ADAMTS20: variants seen among roughly 807,000 people sequenced by gnomAD.
The protein encoded by ADAMTS20 is ADAM metallopeptidase with thrombospondin type 1 motif 20, also known as A disintegrin and metalloproteinase with thrombospondin motifs 20.
A neutral mutation model predicts 260.1 loss-of-function variants in ADAMTS20; 225 were observed. The ratio of observed to expected loss-of-function variants is 0.87; its 90% CI spans 0.78 to 0.97. The LOEUF is 0.97. Among genes scored for constraint, ADAMTS20 ranks in the 50% least tolerant of loss-of-function variants. ADAMTS20 has a pLI of 0.00. For missense variants in ADAMTS20, 2,400 were observed against 2,337.7 expected (o/e 1.03, Z -0.55); for synonymous variants, 802 against 769.5 (o/e 1.04, Z -0.70).
At chr12:43,363,486 G>C (rs1009161671) in intron 37 of ADAMTS20, among the ~76,000 whole-genome samples, 2 of 152,056 alleles carry the variant, frequency 1.3e-5, no homozygotes, top group African/African-American at 4.8e-5. Flanking sequence ...AGAAGACCAG[G>C]GATTACTGCC....
At chr12:43,371,686 C>T (rs1399152329) in intron 36 of ADAMTS20, among the ~76,000 whole-genome samples, 2 of 152,128 alleles carry the variant, frequency 1.3e-5, no homozygotes, top group East Asian at 3.9e-4. Flanking sequence ...AAGATGGGGG[C>T]ATGCCTGGTG....
intron 4 of ADAMTS20, among the ~76,000 whole-genome samples, chr12:43,496,624 G>C (rs937509410): frequency 2.0e-5 from 3 of 152,132 alleles, no homozygotes; most frequent in African/African-American, 7.2e-5. Context: ...TGGAAAATGA[G>C]TTGATTTTTT....
At chr12:43,492,862 A>G (rs551827640) in intron 5 of ADAMTS20, among the ~76,000 whole-genome samples, 2 of 152,308 alleles carry the variant, frequency 1.3e-5, no homozygotes, top group South Asian at 4.1e-4. Flanking sequence ...TATTTAGGAA[A>G]AAAACTTTTA....
chr12:43,446,456 A>C, intron 15 of ADAMTS20, 139 bp downstream of exon 15: 2 of 587,502 alleles, frequency 3.4e-6, no homozygotes, highest in Non-Finnish European at 5.8e-6. Flanking sequence ...ATATTTAGGA[A>C]ATTTTTCCTT....
intron 28 of ADAMTS20, among the ~76,000 whole-genome samples, chr12:43,413,102 C>T (rs143005247): frequency 2.0e-3 from 307 of 152,180 alleles, no homozygotes; most frequent in Non-Finnish European, 4.0e-3. Context: ...AGCCACCGTG[C>T]CTGGCCGGTA....
In ADAMTS20 at chr12:43,383,909, C is replaced by T; in HGVS notation, c.4521G>A (p.Gln1507=). 1 of 1,613,972 alleles carries T rather than the reference C, an allele frequency of 6.2e-7. No homozygotes were observed. The highest frequency in any genetic ancestry group is 1.1e-5 in the South Asian group (1 of 91,074). The part of the protein sequence containing the change: ...DVYCRLKGVG[Q]VVEEMCDQST... ...ACTGATCACACATTTCTTCAACCACCTGACCAACACCTTTCAGTCTGCAGT... is the reference window on the plus strand; with the variant it reads ...ACTGATCACACATTTCTTCAACCACTTGACCAACACCTTTCAGTCTGCAGT... The change falls in exon 30 of 39, where the codon CAG becomes CAA. Residue 1507 remains glutamine, a synonymous_variant. Transcript: ENST00000389420.
At chr12:43,517,219 A>G (rs1427495026) in intron 3 of ADAMTS20, among the ~76,000 whole-genome samples, 3 of 152,076 alleles carry the variant, frequency 2.0e-5, no homozygotes, top group Non-Finnish European at 4.4e-5. Context: ...CAACGTAACA[A>G]AACAAGAAAA....
At chr12:43,486,207 A>G (rs919609599) in intron 7 of ADAMTS20, among the ~76,000 whole-genome samples, 2 of 152,188 alleles carry the variant, frequency 1.3e-5, no homozygotes, top group Admixed American at 6.5e-5. Flanking sequence ...CCAAAACGGT[A>G]TGGTACTGGT....
chr12:43,432,631 G>A lies in ADAMTS20; in HGVS notation c.2901C>T (p.Phe967=), dbSNP rs370962484. 397 of 1,613,826 alleles carry A rather than the reference G, an allele frequency of 2.5e-4. 1 individual carries two copies. Among genetic ancestry groups the A allele is most frequent in the Non-Finnish European group, 3.1e-4 (364 of 1,179,868 alleles). The change falls in exon 20 of 39, where the codon TTC becomes TTT. Residue 967 remains phenylalanine (F), a synonymous_variant. Transcript: ENST00000389420. ...TQELCHGNCV[F]TRWHYSEWSQ... ...ACCATTCTGAATAATGCCATCTTGT[G>A]AAGACACAGTTACCATGGCATAGTT...
chr12:43,466,782 G>A lies in ADAMTS20; in HGVS notation c.1237C>T (p.His413Tyr). The change falls in exon 9 of 39, where the codon CAT (histidine) becomes TAT (tyrosine). Residue 413 changes from histidine to tyrosine, a missense_variant. Physicochemically the swap from His to Tyr is moderately conservative, Grantham distance 83. Transcript: ENST00000389420. ...HELGHTLGVQ[H>Y]DDNPRCKEMK... ...TCTTTACATCTAGGATTATCATCATGTTGAACACCAAGTCTAAAAATAAAA... is the reference window on the plus strand; with the variant it reads ...TCTTTACATCTAGGATTATCATCATATTGAACACCAAGTCTAAAAATAAAA... 2 of 1,594,406 alleles carry A rather than the reference G, an allele frequency of 1.3e-6. No individual in the cohort carries two copies. The highest frequency in any genetic ancestry group is 1.7e-6 in the Non-Finnish European group (2 of 1,169,670).
intron 29 of ADAMTS20, among the ~76,000 whole-genome samples, chr12:43,390,576 A>C (rs1940575693): frequency 6.6e-6 from 1 of 152,172 alleles, no homozygotes. Flanking sequence ...ATCACTTATC[A>C]GTTCTATCTT....
intron 28 of ADAMTS20, among the ~76,000 whole-genome samples, chr12:43,407,723 A>T (rs989598813): frequency 3.3e-5 from 5 of 152,128 alleles, no homozygotes; most frequent in African/African-American, 7.2e-5. Flanking sequence ...TTCTTCAATA[A>T]TAAGTTTTGA....
chr12:43,365,057 G>A (rs1437129300), intron 37 of ADAMTS20, among the ~76,000 whole-genome samples: 1 of 151,906 alleles, frequency 6.6e-6, no homozygotes, highest in Non-Finnish European at 1.5e-5. Flanking sequence ...AAGATAAACA[G>A]CTGACATCTA....
At chr12:43,361,244 C>T (rs1311728820) in intron 37 of ADAMTS20, among the ~76,000 whole-genome samples, 1 of 152,330 alleles carries the variant, frequency 6.6e-6, no homozygotes, top group Admixed American at 6.5e-5. Flanking sequence ...CTTTCTGTGA[C>T]GTCAAGCATC....
At chr12:43,468,485 A>G in intron 8 of ADAMTS20, 115 bp downstream of exon 8, 1 of 713,528 alleles carries the variant, frequency 1.4e-6, no homozygotes, top group East Asian at 2.7e-5. Context: ...AAATTACACT[A>G]ATAACATTTT....
chr12:43,490,191 G>T (rs7295870), intron 7 of ADAMTS20, among the ~76,000 whole-genome samples: 105,865 of 151,832 alleles, frequency 0.7, 37,264 homozygotes, highest in East Asian at 1. Context: ...ATTTGATATT[G>T]AGTAATTTGC....
chr12:43,407,645 A>G lies in ADAMTS20; in HGVS notation c.4285-8412T>C, dbSNP rs191450688. On this transcript the variant is annotated intron_variant, in intron 28 of 38. Transcript: ENST00000389420. ...ATAATATTATTTTCCACAAATAACT[A>G]TTAGAAAATCGGAACAAGAAATCAT... is the stretch of plus-strand genomic sequence containing the variant. Among the ~76,000 whole-genome samples, 533 of 152,202 alleles carry G rather than the reference A, an allele frequency of 3.5e-3. 2 individuals are homozygous for G. The highest frequency in any genetic ancestry group is 5.9e-3 in the Non-Finnish European group (398 of 67,938).
chr12:43,504,143 T>A (rs955404326), intron 3 of ADAMTS20, among the ~76,000 whole-genome samples: 12 of 152,338 alleles, frequency 7.9e-5, no homozygotes, highest in Non-Finnish European at 1.5e-4. Flanking sequence ...CACACTGCTT[T>A]CCACAGTGGC....
chr12:43,544,407 T>A (rs1327705330), intron 2 of ADAMTS20, among the ~76,000 whole-genome samples: 1 of 152,182 alleles, frequency 6.6e-6, no homozygotes, highest in Non-Finnish European at 1.5e-5. Flanking sequence ...TGTTGAGCAA[T>A]TCTATATATT....
Sources: allele counts gnomAD v4.1 joint callset (sites outside exome capture counted in the v4.1 genomes callset), GRCh38; gene constraint gnomAD v4.1.1; transcripts MANE v1.5; gene names NCBI Gene and HGNC (gene_info 2026-07-23, HGNC 2026-07-21).